CMC1: variants seen among roughly 807,000 people sequenced by gnomAD.
CMC1 encodes the protein COX assembly mitochondrial protein homolog.
Under a neutral mutation model 14.1 loss-of-function variants are expected in CMC1, and 14 were observed. That is an observed-to-expected ratio of 0.99 (90% CI 0.66 to 1.55). The LOEUF (loss-of-function observed/expected upper bound fraction) is 1.55, where lower values mean the gene tolerates loss of function less well. Among genes scored for constraint, CMC1 ranks in the 40% most tolerant of loss-of-function variants. The probability of loss-of-function intolerance (pLI) is 0.00; values close to 1 mark genes in which losing one functional copy is unlikely to be tolerated. For synonymous variants in CMC1, 50 were observed against 38.4 expected (o/e 1.30, Z -1.12); for missense variants, 127 against 123.8 (o/e 1.03, Z -0.12).
chr3:28,300,055 C>G (rs1701946977), intron 2 of CMC1, among the ~76,000 whole-genome samples: 1 of 152,132 alleles, frequency 6.6e-6, no homozygotes. Context: ...TATTAAGTGT[C>G]TAATTAAATT....
intron 2 of CMC1, among the ~76,000 whole-genome samples, chr3:28,287,136 T>G (rs1701228917): frequency 6.6e-6 from 1 of 152,176 alleles, no homozygotes; most frequent in African/African-American, 2.4e-5. Context: ...ATAGCACTTT[T>G]AAATCAGCTT....
intron 2 of CMC1, among the ~76,000 whole-genome samples, chr3:28,304,758 C>T (rs1702224553): frequency 6.6e-6 from 1 of 152,030 alleles, no homozygotes; most frequent in Admixed American, 6.6e-5. Flanking sequence ...TTAAACATAG[C>T]AAGCCCCAAT....
chr3:28,258,428 T>G (rs1176668167), intron 1 of CMC1, among the ~76,000 whole-genome samples: 4 of 151,628 alleles, frequency 2.6e-5, no homozygotes, highest in Admixed American at 1.3e-4. Context: ...ACATTAGGCT[T>G]ATGATCCATT....
chr3:28,269,489 C>A (rs2125480637), intron 2 of CMC1, among the ~76,000 whole-genome samples: 1 of 151,926 alleles, frequency 6.6e-6, no homozygotes, highest in Middle Eastern at 3.4e-3. Context: ...GCAGGATGTG[C>A]AGGTTTGTTA....
intron 2 of CMC1, among the ~76,000 whole-genome samples, chr3:28,268,787 T>C (rs1397029779): frequency 2.0e-5 from 3 of 152,208 alleles, no homozygotes; most frequent in African/African-American, 7.2e-5. Flanking sequence ...CCTGGTGTTA[T>C]GCCAATGGAA....
Position 28,321,223 on chromosome 3 carries a change from C to T in CMC1, c.*1594C>T, listed in dbSNP as rs1703177510. The T allele has an allele frequency of 6.6e-6, 1 of 151,404 alleles. No individual in the cohort carries two copies. The highest frequency in any genetic ancestry group is 2.1e-4 in the South Asian group (1 of 4,830). The allele number at this position is 151,404 out of a possible 1,614,324, so 9.4% of individuals were successfully genotyped here. A position where few individuals can be genotyped will look rare whatever the true frequency, so the allele number is the denominator to read the frequency against. Reference sequence around the variant, plus strand: ...AGGGGCAAACATGCCCATATTTCCACATTGACCTTTGGTATTGGTGCATTT... The same window carrying T: ...AGGGGCAAACATGCCCATATTTCCATATTGACCTTTGGTATTGGTGCATTT... On this transcript the variant is annotated 3_prime_UTR_variant, in exon 4 of 4. Coordinates refer to ENST00000466830, the MANE Select transcript of CMC1 (RefSeq NM_182523.2).
rs1702549376 is a variant in CMC1, at chr3:28,309,941, C to CA, written c.110-6392_110-6391insA. Among the ~76,000 whole-genome samples the CA allele has an allele frequency of 5.3e-5, 7 of 132,572 alleles. No individual in the cohort carries two copies. In the East Asian group the frequency reaches 1.6e-3, roughly 30 times the overall value. The allele number at this position is 132,572 out of a possible 152,430, so 87.0% of individuals were successfully genotyped here. ...CCTTTTCTCCTCCACCTGACGTCCA[C>CA]CACACACACACACACACACACACAC... On this transcript the variant is annotated intron_variant, in intron 2 of 3. Transcript: ENST00000466830.
At chr3:28,292,606 T>C (rs1314809080) in intron 2 of CMC1, 2 of 152,188 alleles carry the variant, frequency 1.3e-5, no homozygotes, top group South Asian at 2.1e-4. Flanking sequence ...TCTGGATAAA[T>C]TTAAATATTT....
intron 1 of CMC1, among the ~76,000 whole-genome samples, chr3:28,244,281 A>G (rs914851651): frequency 2.8e-4 from 42 of 152,334 alleles, no homozygotes; most frequent in African/African-American, 9.9e-4. Flanking sequence ...TAAGTGGAAG[A>G]AGGGAGACAG....
At chr3:28,249,628 G>T (rs1046181206) in intron 1 of CMC1, among the ~76,000 whole-genome samples, 3 of 151,978 alleles carry the variant, frequency 2.0e-5, no homozygotes, top group Non-Finnish European at 4.4e-5. Context: ...ACTGGTCTGG[G>T]GTGGGGCCCA....
At chr3:28,294,527 G>A (rs1701644313) in intron 2 of CMC1, 1 of 826,480 alleles carries the variant, frequency 1.2e-6, no homozygotes, top group Admixed American at 6.2e-5. Flanking sequence ...TACATAAATA[G>A]TAGTGAGTAC....
At position 28,324,577 on chromosome 3, in the gene CMC1, A is replaced by T; in HGVS notation, c.*4948A>T. Reference sequence around the variant, plus strand: ...AAATTAAGATTTCCAAGTTAGTGTGATCATTGAGGCACTGTGACTAGGAGA... The same window carrying T: ...AAATTAAGATTTCCAAGTTAGTGTGTTCATTGAGGCACTGTGACTAGGAGA... On this transcript the variant is annotated 3_prime_UTR_variant, in exon 4 of 4. Coordinates refer to ENST00000466830, the MANE Select transcript of CMC1 (RefSeq NM_182523.2). 1.2e-6 allele frequency: 1 copy of T among 860,556 alleles called. No homozygotes were observed. The highest frequency in any genetic ancestry group is 1.6e-6 in the Non-Finnish European group (1 of 616,032). 53.3% of individuals were successfully genotyped at this position (860,556 alleles called of 1,614,324 possible).
At chr3:28,296,691 A>T (rs1320813490) in intron 2 of CMC1, among the ~76,000 whole-genome samples, 2 of 152,086 alleles carry the variant, frequency 1.3e-5, no homozygotes, top group Non-Finnish European at 2.9e-5. Context: ...ATTCTTATTT[A>T]AAAATGTCTT....
At chr3:28,275,860 C>T (rs577260226) in intron 2 of CMC1, among the ~76,000 whole-genome samples, 1 of 152,308 alleles carries the variant, frequency 6.6e-6, no homozygotes, top group East Asian at 1.9e-4. Flanking sequence ...AGGAGAGATG[C>T]ATCCAGGTTT....
intron 1 of CMC1, among the ~76,000 whole-genome samples, chr3:28,245,647 G>C (rs1344628567): frequency 6.6e-6 from 1 of 152,156 alleles, no homozygotes; most frequent in Non-Finnish European, 1.5e-5. Flanking sequence ...ATAGGGCTTA[G>C]GGGGTGGAAA....
intron 2 of CMC1, among the ~76,000 whole-genome samples, chr3:28,310,120 C>T (rs922075105): frequency 5.3e-5 from 8 of 152,194 alleles, no homozygotes; most frequent in Non-Finnish European, 1.0e-4. Context: ...TAACACAACA[C>T]AGTGTACATC....
intron 2 of CMC1, among the ~76,000 whole-genome samples, chr3:28,308,692 T>A (rs112461973): frequency 1.2e-4 from 18 of 152,152 alleles, no homozygotes; most frequent in African/African-American, 3.6e-4. Context: ...TACTTATAAA[T>A]GAAATCTACA....
intron 1 of CMC1, chr3:28,253,843 C>A (rs1327558814): frequency 3.5e-5 from 23 of 658,440 alleles, no homozygotes; most frequent in Non-Finnish European, 5.2e-5. Context: ...AGAATGTTTT[C>A]ATTATTGAAA....
intron 2 of CMC1, 34 bp downstream of exon 2, chr3:28,263,414 T>C: frequency 7.6e-7 from 1 of 1,319,470 alleles, no homozygotes; most frequent in Non-Finnish European, 1.1e-6. Flanking sequence ...AGATCAAATT[T>C]ATTTTTAATA....
Sources: allele counts gnomAD v4.1 joint callset (sites outside exome capture counted in the v4.1 genomes callset), GRCh38; gene constraint gnomAD v4.1.1; transcripts MANE v1.5; gene names NCBI Gene and HGNC (gene_info 2026-07-23, HGNC 2026-07-21).